The following OSCAR variants were observed in gnomAD, a reference collection of about 807,000 sequenced individuals.
OSCAR encodes osteoclast-associated immunoglobulin-like receptor.
A neutral mutation model predicts 27.3 loss-of-function variants in OSCAR; 25 were observed. That is an observed-to-expected ratio of 0.92 (90% confidence interval 0.67 to 1.28). The LOEUF is 1.28. Among genes scored for constraint, OSCAR ranks in the 50% most tolerant of loss-of-function variants. The pLI is 0.00. For synonymous variants in OSCAR, 158 were observed against 165.7 expected (o/e 0.95, Z 0.36); for missense variants, 354 against 355.1 (o/e 1.00, Z 0.03).
intron 4 of OSCAR, 48 bp downstream of exon 4, chr19:54,095,824 C>G: frequency 6.4e-7 from 1 of 1,550,790 alleles, no homozygotes; most frequent in Non-Finnish European, 8.7e-7. Context: ...GGTCCTGGGG[C>G]CTGCATTCCT....
chr19:54,099,765 G>T lies in OSCAR; in HGVS notation c.53C>A (p.Thr18Lys). The T allele has an allele frequency of 6.2e-7, 1 of 1,613,682 alleles. No homozygotes were observed. The highest frequency in any genetic ancestry group is 8.5e-7 in the Non-Finnish European group (1 of 1,179,808). Residue 18 changes from threonine (T) to lysine (K), a missense_variant, in exon 2 of 5, where the codon ACA becomes AAA. Transcript: ENST00000358375. ...CTACTCACCAGACGGAGTGATGTCT[G>T]TGTGACACAGAGGCCCTGTAGGAGG... is the stretch of plus-strand genomic sequence containing the variant. ...QLLTLWPLCH[T>K]DITPSVPPAS...
In OSCAR at chr19:54,095,648, C is replaced by T. The variant is rs587664790; in HGVS notation, c.655+224G>A. ...GGAGGAGGTACTGGGGCCCGGGAAT[C>T]CTGGGTCTGAGGGAGGAGGAGCTGG... On this transcript the variant is annotated intron_variant, in intron 4 of 4. Transcript: ENST00000358375. 124 of 1,022,106 alleles carry T rather than the reference C, an allele frequency of 1.2e-4. 2 individuals are homozygous for T. The East Asian group carries it at 3.1e-3, about 26-fold the overall frequency. 63.3% of individuals were successfully genotyped at this position (1,022,106 alleles called of 1,614,324 possible). A position where few individuals can be genotyped will look rare whatever the true frequency, so the allele number is the denominator to read the frequency against.
intron 3 of OSCAR, 56 bp from the exon 4 acceptor site, chr19:54,096,209 C>G (rs751771210): frequency 4.6e-5 from 64 of 1,394,860 alleles, no homozygotes; most frequent in African/African-American, 3.6e-4. Flanking sequence ...CTCGCTCGCT[C>G]GCTCTGTTTC....
intron 2 of OSCAR, 41 bp downstream of exon 2, chr19:54,099,707 G>T: frequency 2.5e-6 from 4 of 1,613,852 alleles, no homozygotes; most frequent in East Asian, 2.2e-5. Context: ...TGGAAAAGGG[G>T]TGTCAGCAAC....
Position 54,096,748 on chromosome 19 carries a change from G to A in OSCAR, c.373+114C>T, listed in dbSNP as rs143588675. Reference sequence around the variant, plus strand: ...AGTGTCTCTGTATCTGTCTTTTCTTGTGTCTGTGAATCTGTTTGCCCGCCT... The same window carrying A: ...AGTGTCTCTGTATCTGTCTTTTCTTATGTCTGTGAATCTGTTTGCCCGCCT... On this transcript the variant is annotated intron_variant, in intron 3 of 4. Transcript: ENST00000358375. 7 of 1,162,520 alleles carry A rather than the reference G, an allele frequency of 6.0e-6. No homozygotes were observed. In the East Asian group the frequency reaches 1.8e-4, roughly 30 times the overall value. The allele number at this position is 1,162,520 out of a possible 1,614,324, so 72.0% of individuals were successfully genotyped here. A position where few individuals can be genotyped will look rare whatever the true frequency, so the allele number is the denominator to read the frequency against.
rs751883744 is a variant in OSCAR at position 54,095,344 on chromosome 19, G to A, written c.669C>T (p.Ser223=). 2.6e-6 allele frequency: 4 copies of A among 1,564,814 alleles called. No individual in the cohort carries two copies. The highest frequency in any genetic ancestry group is 3.5e-6 in the Non-Finnish European group (4 of 1,155,158). ...GGACTAGGTTCCCCCGGGTGTAGTC[G>A]GAGGAGCCAGAGTCTGCGGGCGGAG... The part of the protein sequence containing the change: ...LVISWEDSGS[S]DYTRGNLVRL... The change falls in exon 5 of 5, where the codon TCC becomes TCT. Residue 223 remains serine, a synonymous_variant. Coordinates refer to ENST00000358375, the MANE Select transcript of OSCAR (RefSeq NM_133169.6).
chr19:54,096,163 C>A lies in OSCAR; in HGVS notation c.374-10G>T. On this transcript the variant is annotated splice_polypyrimidine_tract_variant and intron_variant, in intron 3 of 4. Coordinates refer to ENST00000358375, the MANE Select transcript of OSCAR (RefSeq NM_133169.6). ...GGCCGCGGCAGCTCCTCTGCAGAGA[C>A]GGGGTGAGAGTCCGGGGCCGCGTGA... is the stretch of plus-strand genomic sequence containing the variant. The A allele has an allele frequency of 6.6e-7, 1 of 1,504,258 alleles. No individual in the cohort carries two copies. The allele number at this position is 1,504,258 out of a possible 1,614,324, so 93.2% of individuals were successfully genotyped here. A position where few individuals can be genotyped will look rare whatever the true frequency, so the allele number is the denominator to read the frequency against.
In OSCAR at chr19:54,095,763, G is replaced by A. The variant is rs200608177; in HGVS notation, c.655+109C>T. 1.5e-4 allele frequency: 232 copies of A among 1,504,338 alleles called. No homozygotes were observed. The Admixed American group carries it at 1.8e-3, about 12-fold the overall frequency. The allele number at this position is 1,504,338 out of a possible 1,614,324, so 93.2% of individuals were successfully genotyped here. ...GAGGGGCTGCAGGACTAGACCCCTG[G>A]GTCTGAAGGAGGAGAGGCTGGGGGC... On this transcript the variant is annotated intron_variant, in intron 4 of 4. Coordinates refer to ENST00000358375, the MANE Select transcript of OSCAR (RefSeq NM_133169.6).
At chr19:54,098,647 G>A (rs1328098497) in intron 2 of OSCAR, among the ~76,000 whole-genome samples, 9 of 151,796 alleles carry the variant, frequency 5.9e-5, no homozygotes, top group Non-Finnish European at 1.2e-4. Flanking sequence ...TAGAGCCACC[G>A]TACTCCAGCC....
Position 54,097,117 on chromosome 19 carries a change from C to T in OSCAR, c.118G>A (p.Ala40Thr). Residue 40 changes from alanine to threonine, a missense_variant, in exon 3 of 5, where the codon GCT (alanine) becomes ACT (threonine). Physicochemically the swap from Ala to Thr is moderately conservative, Grantham distance 58. Transcript: ENST00000358375. ...TTGACCCCAGGGGTCACAACTGTAG[C>T]CGGCTGAGCTCCCAGCCATGGCTTA... ...HPKPWLGAQP[A>T]TVVTPGVNVT... 1 of 1,614,166 alleles carries T rather than the reference C, an allele frequency of 6.2e-7. No individual in the cohort carries two copies. Among genetic ancestry groups the T allele is most frequent in the Non-Finnish European group, 8.5e-7 (1 of 1,180,006 alleles).
At chr19:54,096,292 C>T (rs1418307901) in intron 3 of OSCAR, 139 bp from the exon 4 acceptor site, 3 of 798,880 alleles carry the variant, frequency 3.8e-6, no homozygotes, top group East Asian at 3.1e-5. Context: ...CTGCCTGTCT[C>T]TCTCTCTGTC....
chr19:54,096,106 CCA>C lies in OSCAR; in HGVS notation c.419_420del (p.Val140GlyfsTer110), dbSNP rs1467868012. The C allele has an allele frequency of 6.5e-7, 1 of 1,529,546 alleles. No homozygotes were observed. Among genetic ancestry groups the C allele is most frequent in the Non-Finnish European group, 8.7e-7 (1 of 1,144,380 alleles). The allele number at this position is 1,529,546 out of a possible 1,614,324, so 94.7% of individuals were successfully genotyped here. A position where few individuals can be genotyped will look rare whatever the true frequency, so the allele number is the denominator to read the frequency against. The stretch of plus-strand genomic sequence containing the variant: ...CGCAGGCTCACGTTGGCGCCAGGAC[CCA>C]CCACCGGCCCGGGCAGCGCCACCAG... ...PSLVALPGPV[V>X]GPGANVSLRC... On this transcript the variant is annotated frameshift_variant, in exon 4 of 5. Coordinates refer to ENST00000358375, the MANE Select transcript of OSCAR (RefSeq NM_133169.6). LOFTEE classifies it high-confidence loss of function.
chr19:54,100,762 T>C lies in OSCAR; in HGVS notation c.31A>G (p.Thr11Ala), dbSNP rs1162160231. 1 of 1,552,044 alleles carries C rather than the reference T, an allele frequency of 6.4e-7. No homozygotes were observed. The highest frequency in any genetic ancestry group is 8.7e-7 in the Non-Finnish European group (1 of 1,147,156). ...GAAGAAAGGGGTGACTCACAGAGGG[T>C]CAGCAGCTGGAGGATCAGCACCAGG... MALVLILQLL[T>A]LWPLCHTDIT... Residue 11 changes from threonine to alanine, a missense_variant, in exon 1 of 5, where the codon ACC becomes GCC. Coordinates refer to ENST00000358375, the MANE Select transcript of OSCAR (RefSeq NM_133169.6).
intron 2 of OSCAR, among the ~76,000 whole-genome samples, chr19:54,099,361 G>A (rs587763196): frequency 4.7e-5 from 7 of 149,804 alleles, no homozygotes; most frequent in South Asian, 2.1e-4. Flanking sequence ...TGGCCATTGC[G>A]CCCAGCCCAA....
chr19:54,096,009 CG>C lies in OSCAR; in HGVS notation c.517del (p.Arg173AlafsTer58). The C allele has an allele frequency of 6.3e-7, 1 of 1,579,316 alleles. No individual in the cohort carries two copies. The highest frequency in any genetic ancestry group is 8.6e-7 in the Non-Finnish European group (1 of 1,164,588). ...GTCGGCCCAGGGCTGCGCGGAGTGG[CG>C]GTACTGCAGCGGGGCCGCCACGCCC... ...REGVAAPLQY[R>X]HSAQPWADFT... On this transcript the variant is annotated frameshift_variant, in exon 4 of 5. Transcript: ENST00000358375. LOFTEE classifies it high-confidence loss of function.
Position 54,096,935 on chromosome 19 carries a change from G to C in OSCAR, c.300C>G (p.Cys100Trp), listed in dbSNP as rs772586919. 6.2e-6 allele frequency: 10 copies of C among 1,614,172 alleles called. No individual in the cohort carries two copies. In the South Asian group the frequency reaches 1.1e-4, roughly 18 times the overall value. Residue 100 changes from cysteine to tryptophan, a missense_variant, in exon 3 of 5, where the codon TGC becomes TGG. Physicochemically the swap from Cys to Trp is radical, Grantham distance 215. Coordinates refer to ENST00000358375, the MANE Select transcript of OSCAR (RefSeq NM_133169.6). ...GCCCCCAGTCTGGCCTTCGGTAGCA[G>C]CAGCGGTAACTTCCCCCTTGGGCTG... ...VTPAQGGSYR[C>W]CYRRPDWGPG...
At chr19:54,096,778 CTG>C (rs1265233262) in intron 3 of OSCAR, 82 bp downstream of exon 3, 1 of 1,446,172 alleles carries the variant, frequency 6.9e-7, no homozygotes, top group Non-Finnish European at 9.3e-7. Flanking sequence ...CCGCCTCGCT[CTG>C]TCTCTCTTTC....
chr19:54,096,360 C>T (rs1303033527), intron 3 of OSCAR, among the ~76,000 whole-genome samples: 4 of 146,398 alleles, frequency 2.7e-5, no homozygotes, highest in Non-Finnish European at 6.0e-5. Flanking sequence ...CCCTCTCTCT[C>T]TGCCTCCCTC....
intron 3 of OSCAR, 56 bp from the exon 4 acceptor site, chr19:54,096,209 C>T (rs751771210): frequency 7.2e-7 from 1 of 1,394,744 alleles, no homozygotes; most frequent in African/African-American, 1.5e-5. Context: ...CTCGCTCGCT[C>T]GCTCTGTTTC....
Sources: gnomAD v4.1 joint callset for allele counts (sites outside exome capture counted in the v4.1 genomes callset) on GRCh38, gnomAD v4.1.1 for gene constraint, MANE v1.5 for transcripts, NCBI Gene and HGNC (gene_info 2026-07-23, HGNC 2026-07-21) for gene names.